The following PLCG2 variants were observed in gnomAD, a reference collection of about 807,000 sequenced individuals.
PLCG2 encodes the protein phospholipase C gamma 2.
Under a neutral mutation model 175.6 loss-of-function variants are expected in PLCG2, and 69 were observed. The observed-to-expected ratio is 0.39, with a 90% CI of 0.32 to 0.48. The LOEUF is 0.48. Ranked by LOEUF, PLCG2 falls within the 20% of genes least tolerant of loss-of-function variation. The pLI, the probability that PLCG2 is intolerant of heterozygous loss-of-function variation, is 0.91. For synonymous variants in PLCG2, 827 were observed against 624.0 expected (o/e 1.33, Z -4.85); for missense variants, 1,798 against 1,650.9 (o/e 1.09, Z -1.54).
At chr16:81,956,368 A>G (rs1401925047) in intron 31 of PLCG2, among the ~76,000 whole-genome samples, 1 of 152,166 alleles carries the variant, frequency 6.6e-6, no homozygotes, top group African/African-American at 2.4e-5. Context: ...CAGTCAGGTA[A>G]AGGCCAGAAG....
intron 2 of PLCG2, among the ~76,000 whole-genome samples, chr16:81,833,570 C>T (rs1285176235): frequency 6.7e-6 from 1 of 149,510 alleles, no homozygotes; most frequent in Admixed American, 6.8e-5. Context: ...CACTCTGTCA[C>T]CCAGGCTGGA....
chr16:81,876,190 A>G (rs1053885723), intron 7 of PLCG2, among the ~76,000 whole-genome samples: 1 of 151,382 alleles, frequency 6.6e-6, no homozygotes, highest in Non-Finnish European at 1.5e-5. Context: ...CATGCAGGCT[A>G]ATTTTTGTAT....
At chr16:81,767,974 C>G (rs1910190494) in intron 2 of PLCG2, 1 of 152,230 alleles carries the variant, frequency 6.6e-6, no homozygotes, top group Non-Finnish European at 1.5e-5. Context: ...ACTGCAACCT[C>G]TACCTCCAGG....
chr16:81,781,872 CCCCCCCCG>C (rs1567460556), intron 1 of PLCG2, among the ~76,000 whole-genome samples: 2 of 120,038 alleles, frequency 1.7e-5, no homozygotes, highest in African/African-American at 3.0e-5. Context: ...CTTTCCCCCC[CCCCCCCCG>C]CCCGCCCCCG....
At chr16:81,849,046 A>AGTG (rs1906265367) in intron 2 of PLCG2, among the ~76,000 whole-genome samples, 1 of 152,056 alleles carries the variant, frequency 6.6e-6, no homozygotes, top group African/African-American at 2.4e-5. Flanking sequence ...AGATGCTTGG[A>AGTG]GGGGCCTGTG....
At chr16:81,874,663 A>T (rs2143544502) in intron 7 of PLCG2, among the ~76,000 whole-genome samples, 1 of 152,326 alleles carries the variant, frequency 6.6e-6, no homozygotes, top group Admixed American at 6.5e-5. Context: ...TATAATCCCC[A>T]GAACTAAATC....
chr16:81,760,760 T>A (rs55687810), intron 2 of PLCG2, among the ~76,000 whole-genome samples: 61,502 of 138,824 alleles, frequency 0.44, 14,238 homozygotes, highest in East Asian at 0.73. Flanking sequence ...AAAAAAAAAA[T>A]AATAATAATA....
intron 2 of PLCG2, among the ~76,000 whole-genome samples, chr16:81,801,590 G>A (rs550765886): frequency 6.6e-6 from 1 of 152,010 alleles, no homozygotes; most frequent in Non-Finnish European, 1.5e-5. Flanking sequence ...ACACGTCTTC[G>A]CTATTGTTTG....
At chr16:81,785,069 A>T (rs963888357) in intron 1 of PLCG2, among the ~76,000 whole-genome samples, 2 of 152,074 alleles carry the variant, frequency 1.3e-5, no homozygotes, top group Non-Finnish European at 2.9e-5. Context: ...GGAGAGCAGG[A>T]TTAGAATAGT....
At position 81,786,077 on chromosome 16, in the gene PLCG2, G is replaced by T. The variant is rs372502550; in HGVS notation, c.88G>T (p.Val30Leu). 74 of 1,614,102 alleles carry T rather than the reference G, an allele frequency of 4.6e-5. No individual in the cohort carries two copies. The African/African-American group carries it at 9.1e-4, about 20-fold the overall frequency. Reference sequence around the variant, plus strand: ...CCTGGAGCTGGGGACGGTGATGACTGTGTTCAGCTTCCGCAAGTCCACCCC... The same window carrying T: ...CCTGGAGCTGGGGACGGTGATGACTTTGTTCAGCTTCCGCAAGTCCACCCC... ...RALELGTVMT[V>L]FSFRKSTPER... The change falls in exon 2 of 33, where the codon GTG becomes TTG. Residue 30 changes from valine to leucine, a missense_variant. Coordinates refer to ENST00000564138, the MANE Select transcript of PLCG2 (RefSeq NM_002661.5).
intron 7 of PLCG2, among the ~76,000 whole-genome samples, chr16:81,877,493 C>T (rs1907856374): frequency 6.6e-6 from 1 of 152,224 alleles, no homozygotes; most frequent in Non-Finnish European, 1.5e-5. Flanking sequence ...TTTATTCCCT[C>T]ACTGTACTGG....
At chr16:81,917,507 C>T (rs1909891140) in intron 19 of PLCG2, among the ~76,000 whole-genome samples, 1 of 152,130 alleles carries the variant, frequency 6.6e-6, no homozygotes, top group Non-Finnish European at 1.5e-5. Flanking sequence ...TTTACAGTCC[C>T]ACCCACCAGG....
At chr16:81,880,643 C>G (rs562971609) in intron 7 of PLCG2, among the ~76,000 whole-genome samples, 2 of 152,258 alleles carry the variant, frequency 1.3e-5, no homozygotes, top group Non-Finnish European at 2.9e-5. Context: ...ATCCCTAAAA[C>G]AAATTCTAGA....
At chr16:81,933,668 T>A (rs548812101) in intron 25 of PLCG2, among the ~76,000 whole-genome samples, 4 of 152,056 alleles carry the variant, frequency 2.6e-5, no homozygotes, top group Non-Finnish European at 4.4e-5. Flanking sequence ...AGGGTGTGGA[T>A]TGACTTAGGT....
upstream of PLCG2, chr16:81,779,112 G>A (rs1383167413): frequency 1.3e-5 from 2 of 152,302 alleles, no homozygotes; most frequent in African/African-American, 4.8e-5. Flanking sequence ...GGCACGCAGA[G>A]GCGGGGCTCC....
At chr16:81,933,770 C>T (rs1436767292) in intron 25 of PLCG2, among the ~76,000 whole-genome samples, 1 of 152,326 alleles carries the variant, frequency 6.6e-6, no homozygotes, top group Middle Eastern at 3.4e-3. Flanking sequence ...CAAGGTCCCC[C>T]CTTGGCCAAT....
intron 26 of PLCG2, 159 bp from the exon 27 acceptor site, chr16:81,936,010 T>C (rs1179019709): frequency 4.1e-6 from 4 of 985,376 alleles, no homozygotes; most frequent in Non-Finnish European, 4.8e-6. Flanking sequence ...GAGTCCACAG[T>C]GATACCAATT....
At chr16:81,931,801 A>G (rs1910513554) in intron 25 of PLCG2, 147 bp downstream of exon 25, 2 of 680,018 alleles carry the variant, frequency 2.9e-6, no homozygotes, top group South Asian at 1.9e-5. Context: ...GGATTCAGAC[A>G]ATTGGAGCAC....
chr16:81,781,529 T>C (rs574394768), intron 1 of PLCG2, among the ~76,000 whole-genome samples: 1 of 152,208 alleles, frequency 6.6e-6, no homozygotes, highest in South Asian at 2.1e-4. Context: ...GATCGAAGCA[T>C]ATGCGTGTTT....
Sources: allele counts gnomAD v4.1 joint callset (sites outside exome capture counted in the v4.1 genomes callset), GRCh38; gene constraint gnomAD v4.1.1; transcripts MANE v1.5; gene names NCBI Gene and HGNC (gene_info 2026-07-23, HGNC 2026-07-21).